VWA5B1: variants seen among roughly 807,000 people sequenced by gnomAD.
The protein encoded by VWA5B1 is von Willebrand factor A domain-containing protein 5B1.
A neutral mutation model predicts 118.2 loss-of-function variants in VWA5B1; 115 were observed. The observed-to-expected ratio is 0.97, with a 90% confidence interval of 0.84 to 1.14. VWA5B1 has a LOEUF of 1.14. Ranked by LOEUF, VWA5B1 falls within the 50% of genes most tolerant of loss-of-function variation. The pLI is 0.00. For missense variants in VWA5B1, 1,596 were observed against 1,603.8 expected (o/e 1.00, Z 0.08); for synonymous variants, 682 against 658.4 (o/e 1.04, Z -0.55).
rs1049149222 is a variant in VWA5B1, at chr1:20,293,276, C to T, written c.-27+2188C>T. ...TGCGGCTTTGCTCCAGGCTCTGCTC[C>T]GAGCCAGCACCTTCACTGACCTCTT... On this transcript the variant is annotated intron_variant, in intron 1 of 21. Transcript: ENST00000289815. 1.2e-3 allele frequency among the ~76,000 whole-genome samples: 126 copies of T among 108,418 alleles called. 1 individual carries two copies. Among genetic ancestry groups the T allele is most frequent in the African/African-American group, 4.5e-3 (111 of 24,710 alleles). 71.1% of individuals were successfully genotyped at this position (108,418 alleles called of 152,430 possible).
At chr1:20,326,634 A>G (rs1383082224) in intron 8 of VWA5B1, among the ~76,000 whole-genome samples, 2 of 151,962 alleles carry the variant, frequency 1.3e-5, no homozygotes, top group Non-Finnish European at 1.5e-5. Context: ...CCCGGCTAAT[A>G]TTTGTGTTTT....
At chr1:20,349,731 CTTT>C (rs35309990) in intron 18 of VWA5B1, among the ~76,000 whole-genome samples, 36 of 111,774 alleles carry the variant, frequency 3.2e-4, no homozygotes, top group Admixed American at 1.0e-3. Flanking sequence ...ACATTCCTGA[CTTT>C]TTTTTTTTTT....
At position 20,348,149 on chromosome 1, in the gene VWA5B1, G is replaced by A; in HGVS notation, c.2765-96G>A. ...CCTTCCTGCCTTTGGATAATTGAAAGATTGAAGCCAGAATCATTCCTGTCA... is the reference window on the plus strand; with the variant it reads ...CCTTCCTGCCTTTGGATAATTGAAAAATTGAAGCCAGAATCATTCCTGTCA... On this transcript the variant is annotated intron_variant, in intron 17 of 21. Transcript: ENST00000289815. The A allele has an allele frequency of 3.4e-6, 4 of 1,172,810 alleles. No individual in the cohort carries two copies. In the South Asian group the frequency reaches 5.5e-5, roughly 16 times the overall value. 72.7% of individuals were successfully genotyped at this position (1,172,810 alleles called of 1,614,324 possible).
At chr1:20,344,526 T>G (rs982004582) in intron 16 of VWA5B1, among the ~76,000 whole-genome samples, 1 of 152,104 alleles carries the variant, frequency 6.6e-6, no homozygotes, top group Non-Finnish European at 1.5e-5. Flanking sequence ...AATAATTAAT[T>G]GAGTGCATTT....
At chr1:20,337,272 C>G (rs113080797) in intron 13 of VWA5B1, among the ~76,000 whole-genome samples, 6 of 152,026 alleles carry the variant, frequency 3.9e-5, no homozygotes, top group African/African-American at 9.7e-5. Context: ...GGACTACAGG[C>G]GCATACCACC....
chr1:20,325,497 T>C (rs1225639270), intron 8 of VWA5B1, among the ~76,000 whole-genome samples: 1 of 152,220 alleles, frequency 6.6e-6, no homozygotes, highest in Non-Finnish European at 1.5e-5. Context: ...TTTTTCCTGC[T>C]GAGCCTGGAC....
Position 20,328,127 on chromosome 1 carries a change from C to T in VWA5B1, c.1254+127C>T, listed in dbSNP as rs1056067176. Reference sequence around the variant, plus strand: ...CAGAAGCTGCCTACCCACAGAGAACCCAGATCACACCCGGGGGCAGAGAAC... The same window carrying T: ...CAGAAGCTGCCTACCCACAGAGAACTCAGATCACACCCGGGGGCAGAGAAC... On this transcript the variant is annotated intron_variant, in intron 9 of 21. Coordinates refer to ENST00000289815, the MANE Select transcript of VWA5B1 (RefSeq NM_001039500.3). The T allele has an allele frequency of 3.7e-6, 3 of 812,338 alleles. No homozygotes were observed. The East Asian group carries it at 8.0e-5, about 22-fold the overall frequency. The allele number at this position is 812,338 out of a possible 1,614,324, so 50.3% of individuals were successfully genotyped here.
At position 20,331,202 on chromosome 1, in the gene VWA5B1, GGA is replaced by G. The variant is rs373294413; in HGVS notation, c.1572+220_1572+221del. ...CTAGATCCCCTGGTCTCCAGCCACT[GGA>G]CACACACTCCATCCACTGCTGGACA... On this transcript the variant is annotated intron_variant, in intron 11 of 21. Transcript: ENST00000289815. 6.6e-4 allele frequency among the ~76,000 whole-genome samples: 100 copies of G among 152,306 alleles called. No individual in the cohort carries two copies. The East Asian group carries it at 0.017, about 26-fold the overall frequency.
At chr1:20,346,854 C>T (rs1170455812) in intron 17 of VWA5B1, among the ~76,000 whole-genome samples, 1 of 152,198 alleles carries the variant, frequency 6.6e-6, no homozygotes, top group Non-Finnish European at 1.5e-5. Context: ...ATAAAATATG[C>T]CCTTCCTAAT....
chr1:20,298,420 C>A (rs140748950), intron 1 of VWA5B1, among the ~76,000 whole-genome samples: 43 of 151,986 alleles, frequency 2.8e-4, no homozygotes, highest in African/African-American at 8.0e-4. Context: ...TCTAAGATAC[C>A]CCATTTCTAA....
chr1:20,331,507 G>A (rs780206541), intron 11 of VWA5B1, among the ~76,000 whole-genome samples: 31 of 152,184 alleles, frequency 2.0e-4, no homozygotes, highest in Non-Finnish European at 4.0e-4. Flanking sequence ...TGGAAGAGGA[G>A]GAAGCAGGAA....
Position 20,337,729 on chromosome 1 carries a change from A to T in VWA5B1, c.2026A>T (p.Ser676Cys). The T allele has an allele frequency of 7.7e-6, 12 of 1,551,768 alleles. No individual in the cohort carries two copies. Among genetic ancestry groups the T allele is most frequent in the Non-Finnish European group, 1.0e-5 (12 of 1,147,004 alleles). The change falls in exon 14 of 22, where the codon AGT becomes TGT. Residue 676 changes from serine (S) to cysteine (C), a missense_variant. Transcript: ENST00000289815. ...GCCCCTCCCAAGAGCCACCATGGCA[A>T]GTGACCCCATGCCAGCTGCCAAGAG... ...HKPLPRATMASDPMPAAKRYP... is the reference protein window; with the variant it reads ...HKPLPRATMACDPMPAAKRYP...
chr1:20,336,936 G>A (rs541978562), intron 13 of VWA5B1, among the ~76,000 whole-genome samples: 1 of 152,250 alleles, frequency 6.6e-6, no homozygotes, highest in African/African-American at 2.4e-5. Context: ...GGGAATCCCA[G>A]GAGAAATGAG....
intron 1 of VWA5B1, among the ~76,000 whole-genome samples, chr1:20,309,323 A>G (rs1298147524): frequency 2.6e-5 from 4 of 152,160 alleles, no homozygotes; most frequent in South Asian, 2.1e-4. Context: ...GGATAGAGAT[A>G]CTCTTGGGGA....
intron 20 of VWA5B1, among the ~76,000 whole-genome samples, chr1:20,351,449 C>T (rs958747705): frequency 1.3e-5 from 2 of 152,020 alleles, no homozygotes; most frequent in Non-Finnish European, 2.9e-5. Context: ...GTCAGGAGTT[C>T]GAGACCAGCC....
At chr1:20,337,951 G>A (rs2089768491) in intron 14 of VWA5B1, 115 bp downstream of exon 14, 1 of 1,318,798 alleles carries the variant, frequency 7.6e-7, no homozygotes, top group Non-Finnish European at 1.1e-6. Context: ...TGCCAAGTGA[G>A]TCACTCCCTC....
chr1:20,337,911 C>T, intron 14 of VWA5B1, 75 bp downstream of exon 14: 1 of 1,536,466 alleles, frequency 6.5e-7, no homozygotes, highest in African/African-American at 1.4e-5. Flanking sequence ...CCTGCTTCAA[C>T]CGCAGGACGT....
At position 20,314,198 on chromosome 1, in the gene VWA5B1, A is replaced by C. The variant is rs10158438; in HGVS notation, c.293-124A>C. On this transcript the variant is annotated intron_variant, in intron 3 of 21. Transcript: ENST00000289815. ...AATGGCTTACTTATTCACAAGTCAC[A>C]CCCTCAAGCTGAGCCTTGATTTTCC... 68 of 1,000,800 alleles carry C rather than the reference A, an allele frequency of 6.8e-5. No homozygotes were observed. The African/African-American group carries it at 1.0e-3, about 15-fold the overall frequency. The allele number at this position is 1,000,800 out of a possible 1,614,324, so 62.0% of individuals were successfully genotyped here. A position where few individuals can be genotyped will look rare whatever the true frequency, so the allele number is the denominator to read the frequency against.
At chr1:20,291,363 C>CTT (rs1557821958) in intron 1 of VWA5B1, among the ~76,000 whole-genome samples, 3 of 120,370 alleles carry the variant, frequency 2.5e-5, no homozygotes, top group African/African-American at 1.1e-4. Flanking sequence ...CTTTCTTTCT[C>CTT]TCTCTCTCTC....
Sources: allele counts gnomAD v4.1 joint callset (sites outside exome capture counted in the v4.1 genomes callset), GRCh38; gene constraint gnomAD v4.1.1; transcripts MANE v1.5; gene names NCBI Gene and HGNC (gene_info 2026-07-23, HGNC 2026-07-21).